Variants in BCKDHB observed in about 807,000 individuals in gnomAD.
BCKDHB encodes the protein 2-oxoisovalerate dehydrogenase subunit beta, mitochondrial.
In BCKDHB, 41 loss-of-function variants were observed where a neutral mutation model predicts 48.5. The observed-to-expected ratio is 0.85, with a 90% CI of 0.66 to 1.10. BCKDHB has a LOEUF of 1.10. Ranked by LOEUF, BCKDHB falls within the 50% of genes least tolerant of loss-of-function variation. The pLI is 0.00. For missense variants in BCKDHB, 496 were observed against 494.2 expected (o/e 1.00, Z -0.03); for synonymous variants, 201 against 174.8 (o/e 1.15, Z -1.18).
At chr6:80,448,564 T>C in the BCKDHB span, among the ~76,000 whole-genome samples, 1 of 152,144 alleles carries the variant, frequency 6.6e-6, no homozygotes, top group African/African-American at 2.4e-5. Context: ...ACAGAATCAC[T>C]TGTGGGACAA....
chr6:80,220,734 CTTT>C (rs67235328), intron 8 of BCKDHB, among the ~76,000 whole-genome samples: 1 of 121,940 alleles, frequency 8.2e-6, no homozygotes, highest in Non-Finnish European at 1.7e-5. Flanking sequence ...TTTTCTTTTT[CTTT>C]TTTTTTTTTT....
At chr6:80,409,575 CATATATATAT>C in the BCKDHB span, among the ~76,000 whole-genome samples, 258 of 50,110 alleles carry the variant, frequency 5.1e-3, 1 homozygote, top group Non-Finnish European at 8.8e-3. Flanking sequence ...GTATTGGTTG[CATATATATAT>C]ATATATATAT....
chr6:80,203,359 G>A, intron 8 of BCKDHB, 147 bp downstream of exon 8: 2 of 670,708 alleles, frequency 3.0e-6, no homozygotes, highest in South Asian at 3.5e-5. Flanking sequence ...ATGAAAGAAA[G>A]TTGTATAAAC....
the BCKDHB span, among the ~76,000 whole-genome samples, chr6:80,410,850 T>G: frequency 1.3e-5 from 2 of 152,216 alleles, no homozygotes; most frequent in East Asian, 3.9e-4. Flanking sequence ...CGTCTAACCT[T>G]TTTTCAAGGT....
chr6:80,227,621 C>G (rs1186865306), intron 8 of BCKDHB, among the ~76,000 whole-genome samples: 1 of 152,100 alleles, frequency 6.6e-6, no homozygotes, highest in Non-Finnish European at 1.5e-5. Flanking sequence ...TTTGAGTGCC[C>G]TATAAATCTG....
At chr6:80,250,000 C>T (rs1171676743) in intron 8 of BCKDHB, among the ~76,000 whole-genome samples, 2 of 152,078 alleles carry the variant, frequency 1.3e-5, no homozygotes, top group South Asian at 2.1e-4. Flanking sequence ...GGGTTTTGCC[C>T]ATTTTCTTCA....
intron 8 of BCKDHB, among the ~76,000 whole-genome samples, chr6:80,260,207 T>TGGTG (rs750044828): frequency 2.4e-5 from 3 of 126,830 alleles, no homozygotes; most frequent in Admixed American, 9.8e-5. Flanking sequence ...CTGGTGGTAA[T>TGGTG]GGTGGGTGTG....
chr6:80,284,251 C>G (rs1413078233), intron 9 of BCKDHB, among the ~76,000 whole-genome samples: 1 of 152,110 alleles, frequency 6.6e-6, no homozygotes, highest in Non-Finnish European at 1.5e-5. Flanking sequence ...ACTGCTGATG[C>G]ATTTTCTCCT....
intron 8 of BCKDHB, among the ~76,000 whole-genome samples, chr6:80,260,437 A>G (rs1227581755): frequency 6.6e-6 from 1 of 152,306 alleles, no homozygotes; most frequent in Middle Eastern, 3.4e-3. Context: ...CCAGTAGTAT[A>G]TAAACACACT....
chr6:80,191,022 T>C (rs1773869214), intron 6 of BCKDHB, among the ~76,000 whole-genome samples: 3 of 152,168 alleles, frequency 2.0e-5, no homozygotes, highest in Non-Finnish European at 2.9e-5. Flanking sequence ...GCACTGATAG[T>C]GGCTCCTGTG....
intron 3 of BCKDHB, among the ~76,000 whole-genome samples, chr6:80,156,075 C>G (rs1490411830): frequency 6.6e-6 from 1 of 151,838 alleles, no homozygotes; most frequent in Non-Finnish European, 1.5e-5. Context: ...CTTCTCCCTG[C>G]CTGGGGTACT....
the BCKDHB span, among the ~76,000 whole-genome samples, chr6:80,443,119 A>G: frequency 0.011 from 1,672 of 152,264 alleles, 16 homozygotes; most frequent in African/African-American, 0.025. Flanking sequence ...CAAGGCCATC[A>G]TATGGCTCTA....
At chr6:80,183,730 G>A (rs907652578) in intron 6 of BCKDHB, among the ~76,000 whole-genome samples, 1 of 152,036 alleles carries the variant, frequency 6.6e-6, no homozygotes, top group Admixed American at 6.6e-5. Context: ...GAAATTTTCT[G>A]TGCTTCATCT....
At chr6:80,259,136 T>C (rs1346144708) in intron 8 of BCKDHB, among the ~76,000 whole-genome samples, 1 of 152,184 alleles carries the variant, frequency 6.6e-6, no homozygotes, top group Non-Finnish European at 1.5e-5. Flanking sequence ...ACCTTTGACA[T>C]TTTCTAGATT....
rs968423707 is a variant in BCKDHB at position 80,205,233 on chromosome 6, G to GT, written c.951+2029dup. Among the ~76,000 whole-genome samples, 44 of 151,580 alleles carry GT rather than the reference G, an allele frequency of 2.9e-4. 2 individuals carry two copies. In the South Asian group the frequency reaches 4.8e-3, roughly 17 times the overall value. ...CCAAATATTTATATGGAAAATGAGG[G>GT]TTTTTTTTCCCCCAGAGTGAAGCTT... On this transcript the variant is annotated intron_variant, in intron 8 of 9. Coordinates refer to ENST00000320393, the MANE Select transcript of BCKDHB (RefSeq NM_183050.4).
chr6:80,229,552 A>G (rs1465482513), intron 8 of BCKDHB, among the ~76,000 whole-genome samples: 1 of 152,242 alleles, frequency 6.6e-6, no homozygotes, highest in Non-Finnish European at 1.5e-5. Flanking sequence ...CATTCTTATC[A>G]TTAGTAATCA....
At chr6:80,126,192 A>G (rs1288580481) in intron 1 of BCKDHB, among the ~76,000 whole-genome samples, 2 of 152,226 alleles carry the variant, frequency 1.3e-5, no homozygotes, top group Non-Finnish European at 2.9e-5. Flanking sequence ...CAGAGGACGT[A>G]TCTGACTGGG....
intron 3 of BCKDHB, among the ~76,000 whole-genome samples, chr6:80,151,173 C>T (rs943691302): frequency 1.3e-5 from 2 of 152,042 alleles, no homozygotes; most frequent in Non-Finnish European, 2.9e-5. Context: ...TTAATTTCTG[C>T]GTTTTGATAC....
intron 9 of BCKDHB, among the ~76,000 whole-genome samples, chr6:80,296,380 A>G (rs1322602019): frequency 2.0e-5 from 3 of 152,226 alleles, no homozygotes; most frequent in African/African-American, 7.2e-5. Context: ...TGTAGCCATT[A>G]TAATTATTAA....
Sources: gnomAD v4.1 joint callset for allele counts (sites outside exome capture counted in the v4.1 genomes callset) on GRCh38, gnomAD v4.1.1 for gene constraint, MANE v1.5 for transcripts, NCBI Gene and HGNC (gene_info 2026-07-23, HGNC 2026-07-21) for gene names.